Variants in TMEM132B observed in about 807,000 individuals in gnomAD.
The protein encoded by TMEM132B is transmembrane protein 132B.
A neutral mutation model predicts 90.8 loss-of-function variants in TMEM132B; 18 were observed. The ratio of observed to expected loss-of-function variants is 0.20; its 90% confidence interval spans 0.14 to 0.29. TMEM132B has a LOEUF of 0.29. Ranked by LOEUF, TMEM132B falls within the 10% of genes least tolerant of loss-of-function variation. TMEM132B has a pLI of 1.00. For synonymous variants in TMEM132B, 504 were observed against 523.3 expected, an observed-to-expected ratio of 0.96 and a Z score of 0.50; for missense variants, 1,096 against 1,326.8, an observed-to-expected ratio of 0.83 and a Z score of 2.70.
chr12:125,283,461 G>A (rs1045554144), intron 1 of TMEM132B, among the ~76,000 whole-genome samples: 1 of 152,112 alleles, frequency 6.6e-6, no homozygotes, highest in Non-Finnish European at 1.5e-5. Flanking sequence ...TCTCGCTGGC[G>A]GTCCTGGCAG....
chr12:125,500,427 T>C (rs1882667718), intron 3 of TMEM132B, among the ~76,000 whole-genome samples: 1 of 152,126 alleles, frequency 6.6e-6, no homozygotes, highest in African/African-American at 2.4e-5. Flanking sequence ...CAACTGAAAA[T>C]GTTTGCAGAC....
intron 3 of TMEM132B, among the ~76,000 whole-genome samples, chr12:125,447,292 G>T (rs868851801): frequency 1.0e-4 from 15 of 148,818 alleles, no homozygotes; most frequent in East Asian, 1.9e-4. Flanking sequence ...GTTTTTTTTT[G>T]AATTAAATGG....
chr12:125,465,390 A>C (rs1881536719), intron 3 of TMEM132B, among the ~76,000 whole-genome samples: 1 of 152,194 alleles, frequency 6.6e-6, no homozygotes. Context: ...GACAGTTACT[A>C]AATAATTAAT....
chr12:125,432,413 A>ATGTATGTG (rs1880545493), intron 3 of TMEM132B, among the ~76,000 whole-genome samples: 1 of 67,520 alleles, frequency 1.5e-5, no homozygotes. Flanking sequence ...GTATGTGTAT[A>ATGTATGTG]TATATATATG....
At chr12:125,609,690 G>C (rs768105828) in intron 5 of TMEM132B, among the ~76,000 whole-genome samples, 1 of 151,558 alleles carries the variant, frequency 6.6e-6, no homozygotes, top group African/African-American at 2.4e-5. Flanking sequence ...GGTGGCGGGC[G>C]CCTGTAGTCC....
chr12:125,236,733 G>A (rs1204688477), intron 1 of TMEM132B, among the ~76,000 whole-genome samples: 1 of 152,246 alleles, frequency 6.6e-6, no homozygotes, highest in African/African-American at 2.4e-5. Flanking sequence ...GCTGTCTCCT[G>A]CACCTTTCCT....
At chr12:125,325,314 A>C (rs918805323) in intron 1 of TMEM132B, among the ~76,000 whole-genome samples, 1 of 152,154 alleles carries the variant, frequency 6.6e-6, no homozygotes, top group African/African-American at 2.4e-5. Context: ...ATGCATGGCC[A>C]TGGGAGCAGC....
At chr12:125,601,739 G>T (rs1885576147) in intron 5 of TMEM132B, among the ~76,000 whole-genome samples, 1 of 152,030 alleles carries the variant, frequency 6.6e-6, no homozygotes, top group Non-Finnish European at 1.5e-5. Flanking sequence ...GAAGAAAAGA[G>T]AGAAGAATCA....
rs183238766 is a variant in TMEM132B at position 125,227,918 on chromosome 12, C to G, written c.67+41052C>G. Among the ~76,000 whole-genome samples, 553 of 152,332 alleles carry G rather than the reference C, an allele frequency of 3.6e-3. 4 individuals carry two copies. The highest frequency in any genetic ancestry group is 6.4e-3 in the Non-Finnish European group (433 of 68,026). On this transcript the variant is annotated intron_variant, in intron 1 of 8. Transcript: ENST00000682704. ...TGTTGCCCAGTGTTGCTCAGCAGGA[C>G]TGGGCACTAGTTGCCTGCAGTGTTC...
chr12:125,456,580 G>A (rs1881298468), intron 3 of TMEM132B, among the ~76,000 whole-genome samples: 1 of 152,058 alleles, frequency 6.6e-6, no homozygotes, highest in Non-Finnish European at 1.5e-5. Flanking sequence ...GAAGAGGGAG[G>A]TGCAGGGTTT....
intron 4 of TMEM132B, among the ~76,000 whole-genome samples, chr12:125,574,858 A>ATCTGT (rs752047021): frequency 1.3e-5 from 2 of 151,538 alleles, no homozygotes; most frequent in South Asian, 4.2e-4. Context: ...TTCTACTGAT[A>ATCTGT]TCTGTACTGA....
intron 4 of TMEM132B, among the ~76,000 whole-genome samples, chr12:125,582,660 T>C (rs1264697250): frequency 6.6e-6 from 1 of 152,250 alleles, no homozygotes. Flanking sequence ...AGTGGTTCTT[T>C]AATTCACTCA....
intron 1 of TMEM132B, among the ~76,000 whole-genome samples, chr12:125,285,264 T>G (rs1875317486): frequency 6.6e-6 from 1 of 151,790 alleles, no homozygotes; most frequent in Non-Finnish European, 1.5e-5. Context: ...TGGACTGAGG[T>G]TGAGTGAGGG....
intron 4 of TMEM132B, among the ~76,000 whole-genome samples, chr12:125,547,252 C>T (rs1420643409): frequency 1.3e-5 from 2 of 152,192 alleles, no homozygotes; most frequent in Non-Finnish European, 2.9e-5. Context: ...TTTCCCATTC[C>T]CACAGCAATC....
At chr12:125,377,586 G>A (rs1459408128) in intron 2 of TMEM132B, among the ~76,000 whole-genome samples, 1 of 152,160 alleles carries the variant, frequency 6.6e-6, no homozygotes, top group Admixed American at 6.5e-5. Context: ...GTTAATATGT[G>A]TAAGTAGCTC....
At chr12:125,375,820 CCTTTCT>C (rs535344162) in intron 2 of TMEM132B, among the ~76,000 whole-genome samples, 4 of 152,172 alleles carry the variant, frequency 2.6e-5, no homozygotes, top group Admixed American at 1.3e-4. Context: ...TTGTTACTTC[CCTTTCT>C]CTCCAATAGT....
chr12:125,272,865 A>G (rs1395689246), intron 1 of TMEM132B, among the ~76,000 whole-genome samples: 1 of 152,198 alleles, frequency 6.6e-6, no homozygotes, highest in Non-Finnish European at 1.5e-5. Flanking sequence ...TGCGCAGAGC[A>G]TGGCTCATCT....
chr12:125,398,081 G>A (rs11058157), intron 2 of TMEM132B, among the ~76,000 whole-genome samples: 1 of 152,176 alleles, frequency 6.6e-6, no homozygotes, highest in African/African-American at 2.4e-5. Flanking sequence ...TGCATTGGGG[G>A]CAGGCAGGGG....
intron 1 of TMEM132B, among the ~76,000 whole-genome samples, chr12:125,242,171 G>C (rs1197868596): frequency 6.6e-6 from 1 of 152,086 alleles, no homozygotes; most frequent in African/African-American, 2.4e-5. Context: ...AAAATTTTGA[G>C]TCAGGGTCTC....
Sources: gnomAD v4.1 joint callset for allele counts (sites outside exome capture counted in the v4.1 genomes callset) on GRCh38, gnomAD v4.1.1 for gene constraint, MANE v1.5 for transcripts, NCBI Gene and HGNC (gene_info 2026-07-23, HGNC 2026-07-21) for gene names.